The following KLHL20 variants were observed in gnomAD, a reference collection of about 807,000 sequenced individuals.
KLHL20 encodes kelch like family member 20.
Under a neutral mutation model 69.5 loss-of-function variants are expected in KLHL20, and 29 were observed. The ratio of observed to expected loss-of-function variants is 0.42; its 90% CI spans 0.31 to 0.57. The LOEUF (loss-of-function observed/expected upper bound fraction) is 0.57, where lower values mean the gene tolerates loss of function less well. KLHL20 is among the 20% of genes least tolerant of loss of function. The pLI, the probability that KLHL20 is intolerant of heterozygous loss-of-function variation, is 0.18. For synonymous variants in KLHL20, 253 were observed against 265.2 expected, an observed-to-expected ratio of 0.95 and a Z score of 0.45; for missense variants, 419 against 776.0, an observed-to-expected ratio of 0.54 and a Z score of 5.47.
At chr1:173,729,717 G>A (rs967748893) in intron 2 of KLHL20, among the ~76,000 whole-genome samples, 5 of 152,052 alleles carry the variant, frequency 3.3e-5, no homozygotes, top group African/African-American at 4.8e-5. Context: ...TTGATGGGAC[G>A]TATCTCAAAA....
chr1:173,770,729 G>A (rs1648039712), intron 8 of KLHL20, among the ~76,000 whole-genome samples: 1 of 149,408 alleles, frequency 6.7e-6, no homozygotes, highest in South Asian at 2.1e-4. Flanking sequence ...TACCATTTGA[G>A]AGATAGTAAC....
chr1:173,765,079 G>A (rs1389956241), intron 7 of KLHL20, among the ~76,000 whole-genome samples: 1 of 151,966 alleles, frequency 6.6e-6, no homozygotes, highest in Non-Finnish European at 1.5e-5. Context: ...TAAGGAAGAT[G>A]CAAAATAAAT....
intron 7 of KLHL20, among the ~76,000 whole-genome samples, chr1:173,764,424 C>T (rs765077396): frequency 1.1e-4 from 16 of 147,834 alleles, no homozygotes; most frequent in Non-Finnish European, 2.4e-4. Context: ...TACTTGTACA[C>T]ACATGTTTCT....
chr1:173,741,014 T>G (rs570422711), intron 3 of KLHL20, among the ~76,000 whole-genome samples: 11 of 152,370 alleles, frequency 7.2e-5, no homozygotes, highest in African/African-American at 2.4e-4. Context: ...TTGCTTCTAC[T>G]TTTATATGTC....
At chr1:173,727,217 A>C (rs990281403) in intron 2 of KLHL20, among the ~76,000 whole-genome samples, 1 of 152,112 alleles carries the variant, frequency 6.6e-6, no homozygotes, top group African/African-American at 2.4e-5. Context: ...AAAAAAAAAA[A>C]CGAGCAAAGC....
chr1:173,733,342 T>C (rs1672374589), intron 2 of KLHL20, among the ~76,000 whole-genome samples: 1 of 152,230 alleles, frequency 6.6e-6, no homozygotes, highest in Admixed American at 6.5e-5. Context: ...ATATTGTCTT[T>C]AATTTGAAAT....
At chr1:173,733,052 C>T (rs1022381692) in intron 2 of KLHL20, among the ~76,000 whole-genome samples, 42 of 133,376 alleles carry the variant, frequency 3.1e-4, no homozygotes, top group African/African-American at 9.7e-4. Flanking sequence ...GAGACAGAGT[C>T]TCTGTCACCC....
At chr1:173,717,882 A>G (rs539396822) in intron 2 of KLHL20, among the ~76,000 whole-genome samples, 1 of 152,312 alleles carries the variant, frequency 6.6e-6, no homozygotes, top group Admixed American at 6.5e-5. Flanking sequence ...TTTATTAGTA[A>G]AGTTTCATTA....
Position 173,753,203 on chromosome 1 carries a change from T to C in KLHL20, c.757-10T>C, listed in dbSNP as rs1229581050. The C allele has an allele frequency of 6.2e-7, 1 of 1,609,998 alleles. No homozygotes were observed. Among genetic ancestry groups the C allele is most frequent in the Non-Finnish European group, 8.5e-7 (1 of 1,176,476 alleles). On this transcript the variant is annotated splice_polypyrimidine_tract_variant and intron_variant, in intron 4 of 11. Transcript: ENST00000209884. ...AATTAATTAAAATAATGGTGTTTAT[T>C]TTCTCATAGGTGCTGCAGCATGTTC...
At chr1:173,756,217 T>A (rs16846397) in intron 6 of KLHL20, among the ~76,000 whole-genome samples, 179 bp downstream of exon 6, 2,001 of 152,352 alleles carry the variant, frequency 0.013, 51 homozygotes, top group African/African-American at 0.046. Context: ...GAGTGCTCTA[T>A]TCTTTTTTCT....
chr1:173,735,344 G>A (rs996726375), intron 3 of KLHL20, among the ~76,000 whole-genome samples: 1 of 152,010 alleles, frequency 6.6e-6, no homozygotes, highest in Non-Finnish European at 1.5e-5. Flanking sequence ...TACTTAGGAG[G>A]CTGAGGTGGG....
intron 10 of KLHL20, among the ~76,000 whole-genome samples, chr1:173,778,542 T>G (rs909652744): frequency 6.6e-6 from 1 of 152,008 alleles, no homozygotes; most frequent in African/African-American, 2.4e-5. Context: ...TTTTGCCATG[T>G]TGCCCAGCCT....
In KLHL20 at chr1:173,748,830, C is replaced by T. The variant is rs552377462; in HGVS notation, c.598-2934C>T. 5.1e-4 allele frequency among the ~76,000 whole-genome samples: 77 copies of T among 152,040 alleles called. 1 individual carries two copies. Among genetic ancestry groups the T allele is most frequent in the Non-Finnish European group, 1.0e-3 (68 of 67,964 alleles). ...TAATATTCTGTATCTTGATTGTGGT[C>T]ATGTTTACATGAGTATATAATTTAT... On this transcript the variant is annotated intron_variant, in intron 3 of 11. Coordinates refer to ENST00000209884, the MANE Select transcript of KLHL20 (RefSeq NM_014458.4).
intron 5 of KLHL20, 130 bp from the exon 6 acceptor site, chr1:173,755,793 G>A: frequency 1.7e-6 from 1 of 595,378 alleles, no homozygotes; most frequent in Non-Finnish European, 3.0e-6. Context: ...TTTAATATTG[G>A]CTGGCATTCA....
chr1:173,777,984 G>C (rs887526351), intron 10 of KLHL20, among the ~76,000 whole-genome samples: 1 of 152,154 alleles, frequency 6.6e-6, no homozygotes, highest in Non-Finnish European at 1.5e-5. Flanking sequence ...GATAGGATTA[G>C]TATTAATTCT....
At chr1:173,736,082 G>A (rs747054190) in intron 3 of KLHL20, among the ~76,000 whole-genome samples, 6 of 151,754 alleles carry the variant, frequency 4.0e-5, no homozygotes, top group Non-Finnish European at 8.8e-5. Context: ...AAGTAGCTGG[G>A]ACTATAGGTA....
chr1:173,769,379 C>T (rs1647939028), intron 8 of KLHL20, among the ~76,000 whole-genome samples: 1 of 152,106 alleles, frequency 6.6e-6, no homozygotes, highest in South Asian at 2.1e-4. Context: ...GGATAATCTT[C>T]CAGGTCAGGA....
chr1:173,724,523 T>A (rs756646402), intron 2 of KLHL20, among the ~76,000 whole-genome samples: 2 of 152,254 alleles, frequency 1.3e-5, no homozygotes, highest in Non-Finnish European at 2.9e-5. Context: ...TTTCTCTGCA[T>A]GTTTATATAA....
At chr1:173,769,643 C>T (rs2102525433) in intron 8 of KLHL20, among the ~76,000 whole-genome samples, 1 of 151,934 alleles carries the variant, frequency 6.6e-6, no homozygotes, top group South Asian at 2.1e-4. Flanking sequence ...AAAAAATTAG[C>T]CAGGCTTGGT....
Sources: allele counts gnomAD v4.1 joint callset (sites outside exome capture counted in the v4.1 genomes callset), GRCh38; gene constraint gnomAD v4.1.1; transcripts MANE v1.5; gene names NCBI Gene and HGNC (gene_info 2026-07-23, HGNC 2026-07-21).